MSL3B: variants seen among roughly 807,000 people sequenced by gnomAD.
MSL3B encodes the protein MSL complex subunit 3B, also known as MSL complex subunit 3 pseudogene 1.
the MSL3B span, chr2:233,867,528 T>A: frequency 3.4e-6 from 1 of 295,614 alleles, no homozygotes; most frequent in Non-Finnish European, 6.4e-6. Flanking sequence ...CAGGATGGAG[T>A]GCGGTGGCGC....
chr2:233,867,156 G>T, the MSL3B span: 1 of 797,082 alleles, frequency 1.3e-6, no homozygotes, highest in Admixed American at 1.7e-5. Flanking sequence ...TGCCTCTTCA[G>T]AACTTCAGGG....
At chr2:233,866,662 T>C in the MSL3B span, 2 of 789,276 alleles carry the variant, frequency 2.5e-6, no homozygotes, top group Non-Finnish European at 4.7e-6. Context: ...GAGACTGCAC[T>C]GCTTGCGGCT....
the MSL3B span, chr2:233,867,107 C>T: frequency 2.9e-5 from 27 of 943,772 alleles, no homozygotes; most frequent in Admixed American, 5.1e-5. Context: ...TTGCACTAAC[C>T]GTTTCCTCCG....
At chr2:233,866,410 G>A in the MSL3B span, 4 of 1,133,414 alleles carry the variant, frequency 3.5e-6, no homozygotes, top group Non-Finnish European at 5.4e-6. Flanking sequence ...GCTTCCAGGA[G>A]AGGACCTCAT....
At chr2:233,867,538 C>T in the MSL3B span, 7 of 281,126 alleles carry the variant, frequency 2.5e-5, no homozygotes, top group South Asian at 7.0e-5. Flanking sequence ...TGCGGTGGCG[C>T]GGTCTCAGCA....
chr2:233,866,796 T>C, the MSL3B span: 1 of 850,940 alleles, frequency 1.2e-6, no homozygotes. Flanking sequence ...CTATTAGTAT[T>C]TGTGGCACTT....
chr2:233,867,461 G>A, the MSL3B span: 8 of 389,404 alleles, frequency 2.1e-5, no homozygotes, highest in Admixed American at 4.4e-5. Context: ...TGTAATCTAC[G>A]AATTTCTTTC....
chr2:233,868,213 A>C, the MSL3B span: 1 of 454,686 alleles, frequency 2.2e-6, no homozygotes, highest in Non-Finnish European at 4.6e-6. Flanking sequence ...CGCCTTTCCC[A>C]ACAATAACAT....
chr2:233,866,885 G>C, the MSL3B span: 1 of 1,464,008 alleles, frequency 6.8e-7, no homozygotes, highest in Non-Finnish European at 9.6e-7. Context: ...TAAAACCAAC[G>C]GGAGAGTGTA....
the MSL3B span, chr2:233,868,169 C>T: frequency 1.1e-5 from 5 of 436,906 alleles, 1 homozygote. Context: ...ACCGTTACAA[C>T]GGATCAGCTA....
the MSL3B span, chr2:233,867,463 ATTTCTTTCTTTC>A: frequency 1.6e-5 from 6 of 383,526 alleles, no homozygotes; most frequent in Admixed American, 2.7e-4. Flanking sequence ...TAATCTACGA[ATTTCTTTCTTTC>A]TTTCTTTCTT....
chr2:233,867,950 C>G, the MSL3B span: 1 of 163,850 alleles, frequency 6.1e-6, no homozygotes, highest in Admixed American at 6.4e-5. Context: ...GCCACCACGC[C>G]CAACCACTTT....
the MSL3B span, chr2:233,866,215 G>A: frequency 8.9e-6 from 6 of 676,536 alleles, no homozygotes; most frequent in Non-Finnish European, 1.4e-5. Flanking sequence ...AGTCATCGTG[G>A]TATTCTGCTA....
At chr2:233,867,006 G>T in the MSL3B span, 1 of 1,289,368 alleles carries the variant, frequency 7.8e-7, no homozygotes, top group Admixed American at 1.7e-5. Context: ...TGATGGTGAC[G>T]AGGCCTCTCA....
At chr2:233,866,269 A>T in the MSL3B span, 1 of 734,774 alleles carries the variant, frequency 1.4e-6, no homozygotes, top group Non-Finnish European at 2.6e-6. Flanking sequence ...AAGCCTTCAG[A>T]TTCTTCTCAG....
At chr2:233,866,987 G>A in the MSL3B span, 1 of 1,312,580 alleles carries the variant, frequency 7.6e-7, no homozygotes, top group Non-Finnish European at 1.1e-6. Context: ...GCTGGCATGT[G>A]GCATAGCGTG....
At chr2:233,868,005 G>A in the MSL3B span, 1 of 189,432 alleles carries the variant, frequency 5.3e-6, no homozygotes, top group Non-Finnish European at 1.2e-5. Flanking sequence ...TGGCCAGGCT[G>A]GTCTCAAACT....
At chr2:233,864,882 T>C in the MSL3B span, among the ~76,000 whole-genome samples, 1 of 152,220 alleles carries the variant, frequency 6.6e-6, no homozygotes, top group Non-Finnish European at 1.5e-5. Flanking sequence ...TTCATGGACA[T>C]GCAAGAGAAT....
the MSL3B span, chr2:233,865,830 T>C: frequency 9.7e-6 from 2 of 206,480 alleles, no homozygotes; most frequent in African/African-American, 4.7e-5. Context: ...TGAAATGGCC[T>C]AACCTATGTA....
Sources: allele counts gnomAD v4.1 joint callset (sites outside exome capture counted in the v4.1 genomes callset), GRCh38; gene constraint gnomAD v4.1.1; transcripts MANE v1.5; gene names NCBI Gene and HGNC (gene_info 2026-07-23, HGNC 2026-07-21).